GPIHBP1: variants seen among roughly 807,000 people sequenced by gnomAD.
GPIHBP1 encodes glycosylphosphatidylinositol-anchored high density lipoprotein-binding protein 1.
GPIHBP1 carries 11 observed loss-of-function variants against 13.0 expected under a neutral mutation model. That is an observed-to-expected ratio of 0.84 (90% CI 0.53 to 1.40). GPIHBP1 has a LOEUF of 1.40. GPIHBP1 is among the 40% of genes most tolerant of loss of function. GPIHBP1 has a pLI of 0.00. For synonymous variants in GPIHBP1, 106 were observed against 102.2 expected (o/e 1.04, Z -0.22); for missense variants, 231 against 241.1 (o/e 0.96, Z 0.28).
In GPIHBP1 at chr8:143,213,881, T is replaced by G. The variant is rs1211700317; in HGVS notation, c.112T>G (p.Tyr38Asp). 20 of 1,552,764 alleles carry G rather than the reference T, an allele frequency of 1.3e-5. No individual in the cohort carries two copies. Among genetic ancestry groups the G allele is most frequent in the East Asian group, 9.7e-5 (4 of 41,052 alleles). ...GGACGAGGACCACGGGCCAGATGAC[T>G]ACGACGAGGAAGATGAGGATGAGGT... ...EEDEDHGPDD[Y>D]DEEDEDEVEE... Residue 38 changes from tyrosine to aspartate, a missense_variant, in exon 2 of 4, where the codon TAC becomes GAC. Transcript: ENST00000622500.
rs1816273488 is a variant in GPIHBP1, at chr8:143,214,678, C to T, written c.182-335C>T. Among the ~76,000 whole-genome samples, 1 of 152,180 alleles carries T rather than the reference C, an allele frequency of 6.6e-6. No homozygotes were observed. Among genetic ancestry groups the T allele is most frequent in the Admixed American group, 6.5e-5 (1 of 15,286 alleles). The stretch of plus-strand genomic sequence containing the variant: ...TGTCCCCTGTGAGGCCCTCCTCTGC[C>T]AGGCCTGGTGCTCCTGGAGGCAGGA... On this transcript the variant is annotated intron_variant, in intron 2 of 3. Transcript: ENST00000622500. This position sits in a 1 kb window ranked among gnomAD's most constrained non-coding sequence, Gnocchi z 4.1.
chr8:143,214,010 G>T lies in GPIHBP1; in HGVS notation c.181+60G>T. On this transcript the variant is annotated intron_variant, in intron 2 of 3. Coordinates refer to ENST00000622500, the MANE Select transcript of GPIHBP1 (RefSeq NM_178172.6). The surrounding 1 kb of genome is among the most constrained non-coding windows in gnomAD (Gnocchi z 4.1). ...GATCTGCCTGGAGCATTCTGGGCGGGGCTGTGTGATGGAAGCCAGCAGGCC... is the reference window on the plus strand; with the variant it reads ...GATCTGCCTGGAGCATTCTGGGCGGTGCTGTGTGATGGAAGCCAGCAGGCC... 6.5e-7 allele frequency: 1 copy of T among 1,544,948 alleles called. No individual in the cohort carries two copies. Among genetic ancestry groups the T allele is most frequent in the Non-Finnish European group, 8.7e-7 (1 of 1,144,518 alleles).
rs202049123 is a variant in GPIHBP1, at chr8:143,215,507, A to G, written c.544A>G (p.Arg182Gly). ...LLAGLGAMGA[R>G]RP is the part of the protein sequence containing the mutation. Reference sequence around the variant, plus strand: ...TGCCGGCCTTGGAGCAATGGGGGCCAGGAGACCCTGACCCACGGCCCCTCC... The same window carrying G: ...TGCCGGCCTTGGAGCAATGGGGGCCGGGAGACCCTGACCCACGGCCCCTCC... Residue 182 changes from arginine (R) to glycine (G), a missense_variant, in exon 4 of 4, where the codon AGG becomes GGG. Transcript: ENST00000622500. 19 of 1,601,470 alleles carry G rather than the reference A, an allele frequency of 1.2e-5. No individual in the cohort carries two copies. In the African/African-American group the frequency reaches 2.5e-4, roughly 21 times the overall value.
chr8:143,214,982 C>G lies in GPIHBP1; in HGVS notation c.182-31C>G. 6.8e-7 allele frequency: 1 copy of G among 1,470,816 alleles called. No individual in the cohort carries two copies. Among genetic ancestry groups the G allele is most frequent in the Non-Finnish European group, 9.3e-7 (1 of 1,074,872 alleles). The allele number at this position is 1,470,816 out of a possible 1,614,324, so 91.1% of individuals were successfully genotyped here. A position where few individuals can be genotyped will look rare whatever the true frequency, so the allele number is the denominator to read the frequency against. On this transcript the variant is annotated intron_variant, in intron 2 of 3. Transcript: ENST00000622500. The surrounding 1 kb of genome is among the most constrained non-coding windows in gnomAD (Gnocchi z 4.1). ...ACGTGGGAGGAGACCCTGGGGGGCC[C>G]GGCCTCGGCCTGAGCCCGCCTTGTC...
chr8:143,213,267 G>A lies in GPIHBP1; in HGVS notation c.-1G>A. 6.3e-7 allele frequency: 1 copy of A among 1,595,340 alleles called. No homozygotes were observed. Among genetic ancestry groups the A allele is most frequent in the Non-Finnish European group, 8.5e-7 (1 of 1,174,998 alleles). On this transcript the variant is annotated 5_prime_UTR_variant, in exon 1 of 4. Coordinates refer to ENST00000622500, the MANE Select transcript of GPIHBP1 (RefSeq NM_178172.6). ...TCAGGGACACAGCAGCGTCCGGCGAGATGAAGGCGCTCGGGGCTGTCCTGC... is the reference window on the plus strand; with the variant it reads ...TCAGGGACACAGCAGCGTCCGGCGAAATGAAGGCGCTCGGGGCTGTCCTGC...
rs1196946876 is a variant in GPIHBP1, at chr8:143,215,005, G to A, written c.182-8G>A. On this transcript the variant is annotated splice_polypyrimidine_tract_variant and splice_region_variant and intron_variant, in intron 2 of 3. Coordinates refer to ENST00000622500, the MANE Select transcript of GPIHBP1 (RefSeq NM_178172.6). ...CCCGGCCTCGGCCTGAGCCCGCCTT[G>A]TCCCCAGTGCTGCTGCGGTGCTACA... is the stretch of plus-strand genomic sequence containing the variant. 1 of 1,556,820 alleles carries A rather than the reference G, an allele frequency of 6.4e-7. No homozygotes were observed.
Position 143,215,399 on chromosome 8 carries a change from G to T in GPIHBP1, c.436G>T (p.Val146Phe). ...CNVPPWQSSR[V>F]QDPTGKGAGG... ...TGTCCCACCCTGGCAAAGCTCCCGA[G>T]TCCAGGACCCAACAGGCAAGGGGGC... is the stretch of plus-strand genomic sequence containing the variant. Residue 146 changes from valine (V) to phenylalanine (F), a missense_variant, in exon 4 of 4, where the codon GTC becomes TTC. Physicochemically the swap from Val to Phe is conservative, Grantham distance 50 (BLOSUM62 -1). Transcript: ENST00000622500. The T allele has an allele frequency of 2.5e-6, 4 of 1,612,862 alleles. No individual in the cohort carries two copies. In the African/African-American group the frequency reaches 5.3e-5, roughly 21 times the overall value.
Position 143,216,348 on chromosome 8 carries a change from G to C in GPIHBP1, c.*830G>C, listed in dbSNP as rs1355562332. 1 of 150,484 alleles carries C rather than the reference G, an allele frequency of 6.6e-6. No individual in the cohort carries two copies. Among genetic ancestry groups the C allele is most frequent in the Non-Finnish European group, 1.5e-5 (1 of 68,096 alleles). The allele number at this position is 150,484 out of a possible 1,614,324, so 9.3% of individuals were successfully genotyped here. A position where few individuals can be genotyped will look rare whatever the true frequency, so the allele number is the denominator to read the frequency against. Reference sequence around the variant, plus strand: ...GAATACCTGTCTCTGCTCTAGCAGAGGCTAAAGCAGGCTAGAGCAGTGGAG... The same window carrying C: ...GAATACCTGTCTCTGCTCTAGCAGACGCTAAAGCAGGCTAGAGCAGTGGAG... On this transcript the variant is annotated 3_prime_UTR_variant, in exon 4 of 4. Transcript: ENST00000622500.
At position 143,214,000 on chromosome 8, in the gene GPIHBP1, T is replaced by G. The variant is rs1437396752; in HGVS notation, c.181+50T>G. ...CCTGCTGCCTGATCTGCCTGGAGCATTCTGGGCGGGGCTGTGTGATGGAAG... is the reference window on the plus strand; with the variant it reads ...CCTGCTGCCTGATCTGCCTGGAGCAGTCTGGGCGGGGCTGTGTGATGGAAG... On this transcript the variant is annotated intron_variant, in intron 2 of 3. Coordinates refer to ENST00000622500, the MANE Select transcript of GPIHBP1 (RefSeq NM_178172.6). 1.9e-6 allele frequency: 3 copies of G among 1,546,328 alleles called. No individual in the cohort carries two copies. The Admixed American group carries it at 5.9e-5, about 30-fold the overall frequency.
Position 143,214,172 on chromosome 8 carries a change from G to A in GPIHBP1, c.181+222G>A, listed in dbSNP as rs912316742. Among the ~76,000 whole-genome samples, 1 of 152,096 alleles carries A rather than the reference G, an allele frequency of 6.6e-6. No individual in the cohort carries two copies. The stretch of plus-strand genomic sequence containing the variant: ...GCCACCAGCTGGGAGGGTCAGTGGT[G>A]CCAGGATGTAGAGGTTAAATAGGAG... On this transcript the variant is annotated intron_variant, in intron 2 of 3. Coordinates refer to ENST00000622500, the MANE Select transcript of GPIHBP1 (RefSeq NM_178172.6). The surrounding 1 kb of genome is among the most constrained non-coding windows in gnomAD (Gnocchi z 4.1).
intron 1 of GPIHBP1, 50 bp downstream of exon 1, chr8:143,213,369 TG>T: frequency 6.8e-7 from 1 of 1,479,838 alleles, no homozygotes; most frequent in Non-Finnish European, 9.2e-7. Context: ...ACAGCAGTCC[TG>T]GAGCACAGGG....
In GPIHBP1 at chr8:143,215,792, T is replaced by C. The variant is rs12545739; in HGVS notation, c.*274T>C. ...CACGCCCCAGGACCTGCAGCCCTCA[T>C]GGGGGCTGGGGATCCCCATCAGCAC... On this transcript the variant is annotated 3_prime_UTR_variant, in exon 4 of 4. Transcript: ENST00000622500. 384,605 of 543,754 alleles carry C rather than the reference T, an allele frequency of 0.71. 138,532 individuals carry two copies. Among genetic ancestry groups the C allele is most frequent in the Non-Finnish European group, 0.75 (229,177 of 305,088 alleles). The allele number at this position is 543,754 out of a possible 1,614,324, so 33.7% of individuals were successfully genotyped here.
At position 143,215,752 on chromosome 8, in the gene GPIHBP1, C is replaced by G; in HGVS notation, c.*234C>G. The G allele has an allele frequency of 1.7e-6, 1 of 586,344 alleles. No individual in the cohort carries two copies. Among genetic ancestry groups the G allele is most frequent in the Admixed American group, 3.0e-5 (1 of 33,128 alleles). 36.3% of individuals were successfully genotyped at this position (586,344 alleles called of 1,614,324 possible). On this transcript the variant is annotated 3_prime_UTR_variant, in exon 4 of 4. Transcript: ENST00000622500. ...AGACTGCCGCACGTGGGCGCTGGGTCCAGACCTCGGCTGCCACGCCCCAGG... is the reference window on the plus strand; with the variant it reads ...AGACTGCCGCACGTGGGCGCTGGGTGCAGACCTCGGCTGCCACGCCCCAGG...
rs1259208276 is a variant in GPIHBP1 at position 143,215,520 on chromosome 8, C to G, written c.*2C>G. 1 of 1,581,286 alleles carries G rather than the reference C, an allele frequency of 6.3e-7. No homozygotes were observed. ...GCAATGGGGGCCAGGAGACCCTGAC[C>G]CACGGCCCCTCCCCACCCCCACCCG... On this transcript the variant is annotated 3_prime_UTR_variant, in exon 4 of 4. Coordinates refer to ENST00000622500, the MANE Select transcript of GPIHBP1 (RefSeq NM_178172.6).
chr8:143,213,483 G>A (rs1252332072), intron 1 of GPIHBP1, among the ~76,000 whole-genome samples, 164 bp downstream of exon 1: 1 of 151,970 alleles, frequency 6.6e-6, no homozygotes, highest in African/African-American at 2.4e-5. Flanking sequence ...GTCCCCGAGA[G>A]TCCCCAAATA....
At position 143,215,530 on chromosome 8, in the gene GPIHBP1, TCCCCAC is replaced by T; in HGVS notation, c.*21_*26del. Reference sequence around the variant, plus strand: ...CCAGGAGACCCTGACCCACGGCCCCTCCCCACCCCCACCCGGCTCACCCCCGGCCCT... The same window carrying T: ...CCAGGAGACCCTGACCCACGGCCCCTCCCCACCCGGCTCACCCCCGGCCCT... On this transcript the variant is annotated 3_prime_UTR_variant, in exon 4 of 4. Transcript: ENST00000622500. 1 of 1,486,246 alleles carries T rather than the reference TCCCCAC, an allele frequency of 6.7e-7. No individual in the cohort carries two copies. Among genetic ancestry groups the T allele is most frequent in the Non-Finnish European group, 9.1e-7 (1 of 1,096,160 alleles). 92.1% of individuals were successfully genotyped at this position (1,486,246 alleles called of 1,614,324 possible).
chr8:143,214,946 G>T lies in GPIHBP1; in HGVS notation c.182-67G>T, dbSNP rs1816277941. On this transcript the variant is annotated intron_variant, in intron 2 of 3. Transcript: ENST00000622500. The surrounding 1 kb of genome is among the most constrained non-coding windows in gnomAD (Gnocchi z 4.1). ...TTGGGAGCACAGCTGAGAACGGGGA[G>T]GTGGACAGGGACGTGGGAGGAGACC... 2 of 1,075,676 alleles carry T rather than the reference G, an allele frequency of 1.9e-6. No individual in the cohort carries two copies. Among genetic ancestry groups the T allele is most frequent in the Non-Finnish European group, 2.8e-6 (2 of 719,128 alleles). The allele number at this position is 1,075,676 out of a possible 1,614,324, so 66.6% of individuals were successfully genotyped here. A position where few individuals can be genotyped will look rare whatever the true frequency, so the allele number is the denominator to read the frequency against.
rs587777637 is a variant in GPIHBP1 at position 143,215,307 on chromosome 8, A to C, written c.344A>C (p.Gln115Pro). The C allele has an allele frequency of 6.2e-7, 1 of 1,612,894 alleles. No homozygotes were observed. The highest frequency in any genetic ancestry group is 8.5e-7 in the Non-Finnish European group (1 of 1,179,974). Residue 115 changes from glutamine (Q) to proline (P), a missense_variant, in exon 4 of 4, where the codon CAG becomes CCG. Gln to Pro is a moderately conservative substitution (Grantham distance 76). Transcript: ENST00000622500. ...THSTWCTDSC[Q>P]PITKTVEGTQ... Reference sequence around the variant, plus strand: ...TCCACGTGGTGCACAGACAGCTGCCAGCCCATCACCAAGACGGTGGAGGGG... The same window carrying C: ...TCCACGTGGTGCACAGACAGCTGCCCGCCCATCACCAAGACGGTGGAGGGG...
rs773282787 is a variant in GPIHBP1, at chr8:143,213,264, C to T, written c.-4C>T. On this transcript the variant is annotated 5_prime_UTR_variant, in exon 1 of 4. Transcript: ENST00000622500. ...GAGTCAGGGACACAGCAGCGTCCGG[C>T]GAGATGAAGGCGCTCGGGGCTGTCC... 25 of 1,593,630 alleles carry T rather than the reference C, an allele frequency of 1.6e-5. No individual in the cohort carries two copies. Among genetic ancestry groups the T allele is most frequent in the Non-Finnish European group, 2.0e-5 (23 of 1,174,172 alleles).
Sources: allele counts gnomAD v4.1 joint callset (sites outside exome capture counted in the v4.1 genomes callset), GRCh38; gene constraint gnomAD v4.1.1; non-coding constraint Gnocchi (gnomAD v3.1); transcripts MANE v1.5; gene names NCBI Gene and HGNC (gene_info 2026-07-23, HGNC 2026-07-21).